SAXO4: variants seen among roughly 807,000 people sequenced by gnomAD.
The protein encoded by SAXO4 is stabilizer of axonemal microtubules 4, also known as protein phosphatase 1 regulatory subunit 32.
chr11:61,487,165 T>G, the SAXO4 span: 3 of 1,613,928 alleles, frequency 1.9e-6, no homozygotes, highest in Admixed American at 1.7e-5. Flanking sequence ...GGGTTCAGCC[T>G]TAACAACCCC....
At chr11:61,481,747 T>G in the SAXO4 span, 8 of 937,906 alleles carry the variant, frequency 8.5e-6, no homozygotes, top group Non-Finnish European at 1.1e-5. Flanking sequence ...GAGCCAGGCT[T>G]GGGACCCATG....
chr11:61,489,729 T>C, the SAXO4 span: 1 of 1,591,576 alleles, frequency 6.3e-7, no homozygotes, highest in East Asian at 2.2e-5. Flanking sequence ...CAGCAGGGGT[T>C]GCAGAGGTGG....
chr11:61,486,710 G>A, the SAXO4 span: 17 of 1,172,910 alleles, frequency 1.4e-5, no homozygotes, highest in African/African-American at 2.4e-4. Context: ...AGAAGAATTA[G>A]GATATTTAGG....
chr11:61,482,723 GC>G, the SAXO4 span: 1 of 1,613,998 alleles, frequency 6.2e-7, no homozygotes, highest in South Asian at 1.1e-5. Flanking sequence ...GTGCCTGACG[GC>G]AAGCATCCCC....
the SAXO4 span, chr11:61,490,679 C>T: frequency 5.2e-6 from 6 of 1,158,626 alleles, no homozygotes; most frequent in South Asian, 6.2e-5. Context: ...TTAAGCAAGT[C>T]CTGCCTGGGG....
the SAXO4 span, chr11:61,489,344 T>C: frequency 3.2e-6 from 1 of 311,936 alleles, no homozygotes; most frequent in African/African-American, 2.1e-5. Context: ...CATCACTGAT[T>C]CCTGCATTGA....
the SAXO4 span, chr11:61,482,549 A>C: frequency 1.3e-6 from 2 of 1,576,484 alleles, no homozygotes; most frequent in Admixed American, 3.4e-5. Context: ...GACTCAGGGC[A>C]CAGCGGACCT....
chr11:61,489,468 G>T, the SAXO4 span: 1 of 558,644 alleles, frequency 1.8e-6, no homozygotes, highest in Non-Finnish European at 3.1e-6. Flanking sequence ...AAATGAAATG[G>T]AAGGAAAGTT....
chr11:61,487,935 G>A, the SAXO4 span, among the ~76,000 whole-genome samples: 1 of 152,178 alleles, frequency 6.6e-6, no homozygotes, highest in African/African-American at 2.4e-5. Flanking sequence ...GGCCAGGACT[G>A]GGTGGGGAAA....
chr11:61,485,147 G>T, the SAXO4 span, among the ~76,000 whole-genome samples: 1 of 152,070 alleles, frequency 6.6e-6, no homozygotes, highest in East Asian at 1.9e-4. Flanking sequence ...AGTCACAGGG[G>T]AACTGTGCTT....
At chr11:61,488,218 C>A in the SAXO4 span, among the ~76,000 whole-genome samples, 1 of 151,590 alleles carries the variant, frequency 6.6e-6, no homozygotes, top group Non-Finnish European at 1.5e-5. Flanking sequence ...AACTCCTGAC[C>A]TCAAGTGATC....
At chr11:61,482,421 G>C in the SAXO4 span, 1 of 1,613,814 alleles carries the variant, frequency 6.2e-7, no homozygotes, top group East Asian at 2.2e-5. Context: ...AGACAACCCG[G>C]CCAGGGGGTA....
At chr11:61,486,196 A>G in the SAXO4 span, 9 of 820,908 alleles carry the variant, frequency 1.1e-5, no homozygotes, top group Admixed American at 8.0e-5. Flanking sequence ...CTTCTCCCCA[A>G]ACACTTCCCT....
chr11:61,486,770 C>T, the SAXO4 span, among the ~76,000 whole-genome samples: 1 of 152,082 alleles, frequency 6.6e-6, no homozygotes, highest in Non-Finnish European at 1.5e-5. Context: ...CTGGGCCTTC[C>T]TGGGGGCTGG....
At chr11:61,482,570 T>TG in the SAXO4 span, 12 of 1,600,870 alleles carry the variant, frequency 7.5e-6, no homozygotes, top group Non-Finnish European at 9.4e-6. Flanking sequence ...CTGAGCCATC[T>TG]GTGGGAGGGT....
chr11:61,487,162 G>A, the SAXO4 span: 1 of 1,613,898 alleles, frequency 6.2e-7, no homozygotes, highest in African/African-American at 1.3e-5. Flanking sequence ...ACAGGGTTCA[G>A]CCTTAACAAC....
the SAXO4 span, among the ~76,000 whole-genome samples, chr11:61,485,181 G>C: frequency 6.6e-6 from 1 of 152,004 alleles, no homozygotes; most frequent in Non-Finnish European, 1.5e-5. Context: ...CTGGCCCTGC[G>C]ATGTCCCACC....
the SAXO4 span, chr11:61,490,367 G>C: frequency 5.0e-6 from 4 of 798,500 alleles, no homozygotes; most frequent in Non-Finnish European, 8.8e-6. Context: ...GGCAGGCAAA[G>C]AATGTTTGTG....
chr11:61,487,742 G>A, the SAXO4 span, among the ~76,000 whole-genome samples: 1 of 152,194 alleles, frequency 6.6e-6, no homozygotes, highest in African/African-American at 2.4e-5. Context: ...AGGGCAGTGC[G>A]AGGGAGTCTG....
Sources: allele counts gnomAD v4.1 joint callset (sites outside exome capture counted in the v4.1 genomes callset), GRCh38; gene constraint gnomAD v4.1.1; transcripts MANE v1.5; gene names NCBI Gene and HGNC (gene_info 2026-07-23, HGNC 2026-07-21).